The following BTBD8 variants were observed in gnomAD, a reference collection of about 807,000 sequenced individuals.
The protein encoded by BTBD8 is BTB domain containing 8.
A neutral mutation model predicts 162.9 loss-of-function variants in BTBD8; 110 were observed. That is an observed-to-expected ratio of 0.68 (90% CI 0.58 to 0.79). The LOEUF (loss-of-function observed/expected upper bound fraction) is 0.79. BTBD8 is among the 30% of genes least tolerant of loss of function. BTBD8 has a pLI of 0.00. For missense variants in BTBD8, 1,905 were observed against 2,085.4 expected, an observed-to-expected ratio of 0.91 and a Z score of 1.68; for synonymous variants, 667 against 716.1, an observed-to-expected ratio of 0.93 and a Z score of 1.10.
intron 2 of BTBD8, among the ~76,000 whole-genome samples, chr1:92,097,118 C>T (rs750377385): frequency 1.3e-5 from 2 of 152,170 alleles, no homozygotes; most frequent in Non-Finnish European, 2.9e-5. Context: ...TCCACCAGAT[C>T]TCATCCTATT....
chr1:92,123,373 A>G (rs1218230290), intron 4 of BTBD8, among the ~76,000 whole-genome samples: 2 of 152,192 alleles, frequency 1.3e-5, no homozygotes, highest in African/African-American at 4.8e-5. Flanking sequence ...CAACTTATCT[A>G]TTGCTACTAA....
intron 5 of BTBD8, among the ~76,000 whole-genome samples, chr1:92,131,684 A>G (rs1024718928): frequency 2.6e-5 from 4 of 151,304 alleles, no homozygotes; most frequent in African/African-American, 9.8e-5. Flanking sequence ...AGATCGTGCC[A>G]CTGCACTCCA....
At chr1:92,090,890 C>T (rs1482718097) in intron 2 of BTBD8, among the ~76,000 whole-genome samples, 2 of 152,184 alleles carry the variant, frequency 1.3e-5, no homozygotes, top group Non-Finnish European at 2.9e-5. Flanking sequence ...TGAGATTGTG[C>T]CACTGCACTC....
chr1:92,125,549 C>T, intron 4 of BTBD8: 1 of 301,674 alleles, frequency 3.3e-6, no homozygotes, highest in Non-Finnish European at 6.6e-6. Context: ...AATGAAATCT[C>T]TCCTCCTCCA....
chr1:92,092,271 G>A (rs1197550626), intron 2 of BTBD8, among the ~76,000 whole-genome samples: 1 of 151,922 alleles, frequency 6.6e-6, no homozygotes, highest in Admixed American at 6.6e-5. Context: ...ATGTGGTGGT[G>A]TGCACCTAAT....
intron 3 of BTBD8, 76 bp from the exon 4 acceptor site, chr1:92,107,808 T>C: frequency 8.4e-7 from 1 of 1,194,088 alleles, no homozygotes; most frequent in South Asian, 1.5e-5. Context: ...GGGAAACCTC[T>C]TGATAATAAT....
Position 92,181,290 on chromosome 1 carries a change from T to A in BTBD8, c.3607T>A (p.Ser1203Thr). 1 of 1,551,580 alleles carries A rather than the reference T, an allele frequency of 6.4e-7. No individual in the cohort carries two copies. The highest frequency in any genetic ancestry group is 2.4e-5 in the East Asian group (1 of 40,916). Reference protein sequence around the residue: ...ADSDVSSKCFSGQLSEKNSPK... With the variant: ...ADSDVSSKCFTGQLSEKNSPK... Reference sequence around the variant, plus strand: ...CTCAGATGTATCTTCCAAGTGTTTTTCGGGACAGCTATCAGAAAAAAATTC... The same window carrying A: ...CTCAGATGTATCTTCCAAGTGTTTTACGGGACAGCTATCAGAAAAAAATTC... The change falls in exon 17 of 18, where the codon TCG (serine) becomes ACG (threonine). Residue 1203 changes from serine (S) to threonine (T), a missense_variant. Coordinates refer to ENST00000636805, the MANE Select transcript of BTBD8 (RefSeq NM_001376131.1).
At chr1:92,095,872 T>A (rs1170009581) in intron 2 of BTBD8, among the ~76,000 whole-genome samples, 2 of 152,190 alleles carry the variant, frequency 1.3e-5, no homozygotes, top group African/African-American at 4.8e-5. Flanking sequence ...TCTAAGAATC[T>A]TACTCTCTAA....
Position 92,131,734 on chromosome 1 carries a change from A to AAAC in BTBD8, c.752+1960_752+1961insCAA, listed in dbSNP as rs573979015. ...GCGAGACTCTGTCTCAAAAAAAAAAAAAAAACCACACACATTATGTAATGA... is the reference window on the plus strand; with the variant it reads ...GCGAGACTCTGTCTCAAAAAAAAAAAAACAAAAACCACACACATTATGTAATGA... On this transcript the variant is annotated intron_variant, in intron 5 of 17. Coordinates refer to ENST00000636805, the MANE Select transcript of BTBD8 (RefSeq NM_001376131.1). Among the ~76,000 whole-genome samples, 256 of 152,064 alleles carry AAAC rather than the reference A, an allele frequency of 1.7e-3. 3 individuals carry two copies. The highest frequency in any genetic ancestry group is 5.6e-3 in the African/African-American group (233 of 41,482).
At chr1:92,121,481 A>G (rs1223296201) in intron 4 of BTBD8, among the ~76,000 whole-genome samples, 2 of 152,168 alleles carry the variant, frequency 1.3e-5, no homozygotes, top group Non-Finnish European at 2.9e-5. Flanking sequence ...TCGTCCTTAA[A>G]TATTTATTAG....
chr1:92,118,545 C>T (rs1649105029), intron 4 of BTBD8, among the ~76,000 whole-genome samples: 1 of 151,848 alleles, frequency 6.6e-6, no homozygotes, highest in South Asian at 2.1e-4. Flanking sequence ...TAAGTTACTC[C>T]TCTCCTCACT....
At chr1:92,140,299 C>G (rs933920078) in intron 6 of BTBD8, among the ~76,000 whole-genome samples, 1 of 151,856 alleles carries the variant, frequency 6.6e-6, no homozygotes. Flanking sequence ...TCCTAAAGAC[C>G]AACAACTGTG....
At chr1:92,133,896 G>C (rs1043526145) in intron 5 of BTBD8, among the ~76,000 whole-genome samples, 5 of 152,084 alleles carry the variant, frequency 3.3e-5, no homozygotes, top group South Asian at 4.1e-4. Context: ...CGTGAACCCA[G>C]GAGGCGGAGC....
chr1:92,134,045 A>G (rs992135236), intron 5 of BTBD8, among the ~76,000 whole-genome samples: 1 of 152,170 alleles, frequency 6.6e-6, no homozygotes, highest in South Asian at 2.1e-4. Context: ...TATAGTTGGA[A>G]GGAAATTTTC....
intron 2 of BTBD8, among the ~76,000 whole-genome samples, chr1:92,099,840 C>T (rs759404852): frequency 6.6e-6 from 1 of 151,948 alleles, no homozygotes; most frequent in Non-Finnish European, 1.5e-5. Context: ...ATTTCTTTAC[C>T]GTGTAGATGC....
rs192975818 is a variant in BTBD8, at chr1:92,167,542, T to G, written c.1306-306T>G. ...CAGAATAACTCCTATTGTTTATTTCTAGGTTCTGTATTTAGGGCTATGTTG... is the reference window on the plus strand; with the variant it reads ...CAGAATAACTCCTATTGTTTATTTCGAGGTTCTGTATTTAGGGCTATGTTG... On this transcript the variant is annotated intron_variant, in intron 10 of 17. Coordinates refer to ENST00000636805, the MANE Select transcript of BTBD8 (RefSeq NM_001376131.1). Among the ~76,000 whole-genome samples the G allele has an allele frequency of 7.2e-5, 11 of 152,398 alleles. No homozygotes were observed. In the East Asian group the frequency reaches 2.1e-3, roughly 29 times the overall value.
intron 2 of BTBD8, among the ~76,000 whole-genome samples, chr1:92,099,067 TG>T (rs1648522504): frequency 1.3e-5 from 2 of 152,332 alleles, no homozygotes; most frequent in East Asian, 3.9e-4. Context: ...GGTGAATTTT[TG>T]TATATGGTAT....
In BTBD8 at chr1:92,167,909, A is replaced by G. The variant is rs1431071640; in HGVS notation, c.1367A>G (p.Asn456Ser). ...LDTILKAIEE[N>S]ITTENSCSLL... Reference sequence around the variant, plus strand: ...ACAATTTTAAAAGCAATTGAAGAAAATATCACCACTGAAAATAGCTGCTCT... The same window carrying G: ...ACAATTTTAAAAGCAATTGAAGAAAGTATCACCACTGAAAATAGCTGCTCT... Residue 456 changes from asparagine to serine, a missense_variant, in exon 11 of 18, where the codon AAT becomes AGT. Physicochemically the swap from Asn to Ser is conservative, Grantham distance 46. This residue lies in a region of BTBD8 where 1,374 missense variants were observed against 1,442.7 expected (regional missense o/e 0.95). Transcript: ENST00000636805. 2 of 1,551,042 alleles carry G rather than the reference A, an allele frequency of 1.3e-6. No individual in the cohort carries two copies. Among genetic ancestry groups the G allele is most frequent in the South Asian group, 2.4e-5 (2 of 84,000 alleles).
In BTBD8 at chr1:92,177,550, G is replaced by A; in HGVS notation, c.2353+4G>A. On this transcript the variant is annotated splice_donor_region_variant and intron_variant, in intron 14 of 17. Transcript: ENST00000636805. ...AGTGTCAAAAATTCCACTGTAGGTG[G>A]GTTTTAGCACTGTAATTTTTAATAT... is the stretch of plus-strand genomic sequence containing the variant. 1 of 1,507,076 alleles carries A rather than the reference G, an allele frequency of 6.6e-7. No individual in the cohort carries two copies. The highest frequency in any genetic ancestry group is 8.9e-7 in the Non-Finnish European group (1 of 1,121,460). 93.4% of individuals were successfully genotyped at this position (1,507,076 alleles called of 1,614,324 possible).
Sources: allele counts gnomAD v4.1 joint callset (sites outside exome capture counted in the v4.1 genomes callset), GRCh38; gene constraint gnomAD v4.1.1; regional missense constraint gnomAD v4.1.1; transcripts MANE v1.5; gene names NCBI Gene and HGNC (gene_info 2026-07-23, HGNC 2026-07-21).